The following FRYL variants were observed in gnomAD, a reference collection of about 807,000 sequenced individuals.
FRYL encodes protein furry homolog-like.
FRYL carries 150 observed loss-of-function variants against 351.2 expected under a neutral mutation model. That is an observed-to-expected ratio of 0.43 (90% CI 0.37 to 0.49). FRYL has a LOEUF of 0.49. FRYL is among the 20% of genes least tolerant of loss of function. The probability of loss-of-function intolerance (pLI) is 0.00; values close to 1 mark genes in which losing one functional copy is unlikely to be tolerated. For missense variants in FRYL, 3,036 were observed against 3,619.3 expected, an observed-to-expected ratio of 0.84 and a Z score of 4.13; for synonymous variants, 1,153 against 1,257.1, an observed-to-expected ratio of 0.92 and a Z score of 1.75.
At chr4:48,523,134 C>A in intron 53 of FRYL, 30 bp from the exon 54 acceptor site, 2 of 1,473,298 alleles carry the variant, frequency 1.4e-6, no homozygotes, top group South Asian at 1.1e-5. Flanking sequence ...TTTCTAAAAC[C>A]TCAAATACAT....
At position 48,649,313 on chromosome 4, in the gene FRYL, T is replaced by C. The variant is rs144384734; in HGVS notation, c.-80-14823A>G. Among the ~76,000 whole-genome samples the C allele has an allele frequency of 2.7e-3, 416 of 152,356 alleles. 3 individuals are homozygous for C. Among genetic ancestry groups the C allele is most frequent in the African/African-American group, 9.1e-3 (377 of 41,592 alleles). On this transcript the variant is annotated intron_variant, in intron 3 of 63. Coordinates refer to ENST00000358350, the MANE Select transcript of FRYL (RefSeq NM_015030.2). ...ATTGTGCAAAAATGCAAGTAATCTA[T>C]GCAAATACAGTTTCTTAACATACCA...
chr4:48,654,303 AAAAAAAAAAAAC>A (rs1368138543), intron 3 of FRYL, among the ~76,000 whole-genome samples: 5 of 138,806 alleles, frequency 3.6e-5, no homozygotes, highest in Admixed American at 7.1e-5. Context: ...CTGATCAAAA[AAAAAAAAAAAAC>A]AAAAACAAAA....
chr4:48,611,224 ATTAC>A (rs1198697273), intron 7 of FRYL, among the ~76,000 whole-genome samples: 4 of 152,172 alleles, frequency 2.6e-5, no homozygotes, highest in South Asian at 2.1e-4. Flanking sequence ...CTCTATCTAG[ATTAC>A]TTATAGTATG....
chr4:48,609,438 T>C (rs1486155814), intron 8 of FRYL, among the ~76,000 whole-genome samples: 2 of 151,958 alleles, frequency 1.3e-5, no homozygotes, highest in Non-Finnish European at 2.9e-5. Flanking sequence ...CTGGGAAACA[T>C]GGCAAAACTC....
chr4:48,688,486 A>T (rs1205911605), intron 2 of FRYL, among the ~76,000 whole-genome samples: 2 of 152,152 alleles, frequency 1.3e-5, no homozygotes, highest in African/African-American at 2.4e-5. Flanking sequence ...AAATCATTTT[A>T]AAAAAATATT....
At chr4:48,501,167 T>G (rs1329738998) in intron 62 of FRYL, among the ~76,000 whole-genome samples, 1 of 152,008 alleles carries the variant, frequency 6.6e-6, no homozygotes, top group Non-Finnish European at 1.5e-5. Context: ...GTTTTATGTC[T>G]TTATTGAACT....
At chr4:48,654,422 G>A (rs1326658211) in intron 3 of FRYL, among the ~76,000 whole-genome samples, 2 of 151,996 alleles carry the variant, frequency 1.3e-5, no homozygotes, top group African/African-American at 4.8e-5. Flanking sequence ...CACCCAGGCA[G>A]TAAGCAGTGA....
intron 13 of FRYL, among the ~76,000 whole-genome samples, chr4:48,601,579 T>C (rs1202581598): frequency 2.6e-5 from 4 of 152,164 alleles, no homozygotes; most frequent in Non-Finnish European, 5.9e-5. Context: ...TACCAACTTT[T>C]AGATATGGCC....
At chr4:48,662,953 C>T (rs1339381888) in intron 3 of FRYL, among the ~76,000 whole-genome samples, 1 of 151,978 alleles carries the variant, frequency 6.6e-6, no homozygotes, top group Non-Finnish European at 1.5e-5. Context: ...ACCAACAAAT[C>T]TGCACTACAA....
intron 47 of FRYL, among the ~76,000 whole-genome samples, chr4:48,536,584 G>A (rs535050924): frequency 4.2e-4 from 64 of 152,270 alleles, no homozygotes; most frequent in Non-Finnish European, 7.8e-4. Context: ...TGGGTTATTG[G>A]TGAGGATGTT....
intron 3 of FRYL, among the ~76,000 whole-genome samples, chr4:48,671,873 C>G (rs60426990): frequency 1.7e-4 from 9 of 51,834 alleles, no homozygotes; most frequent in Admixed American, 3.3e-4. Context: ...AAAAAAAAAA[C>G]AAAAAAAAAA....
intron 32 of FRYL, 47 bp from the exon 33 acceptor site, chr4:48,561,683 C>A: frequency 7.0e-7 from 1 of 1,424,634 alleles, no homozygotes; most frequent in Non-Finnish European, 9.6e-7. Context: ...TTTATGGGTT[C>A]TCTAAAGTTT....
At chr4:48,683,357 G>A (rs1234218359) in intron 3 of FRYL, among the ~76,000 whole-genome samples, 1 of 150,770 alleles carries the variant, frequency 6.6e-6, no homozygotes, top group Non-Finnish European at 1.5e-5. Context: ...ATTATGGCAC[G>A]TGTATACCTA....
intron 42 of FRYL, among the ~76,000 whole-genome samples, chr4:48,545,112 T>A (rs925662536): frequency 6.6e-6 from 1 of 152,200 alleles, no homozygotes; most frequent in African/African-American, 2.4e-5. Flanking sequence ...AACAGACCAG[T>A]CAAATTCTCT....
At chr4:48,634,060 T>C (rs1482248926) in intron 4 of FRYL, among the ~76,000 whole-genome samples, 1 of 152,234 alleles carries the variant, frequency 6.6e-6, no homozygotes, top group Non-Finnish European at 1.5e-5. Context: ...TTTTCCTTTA[T>C]TTCCTATGTT....
At position 48,540,883 on chromosome 4, in the gene FRYL, G is replaced by T. The variant is rs1022225304; in HGVS notation, c.5765C>A (p.Thr1922Lys). 2.5e-6 allele frequency: 4 copies of T among 1,613,690 alleles called. No individual in the cohort carries two copies. The Admixed American group carries it at 6.7e-5, about 27-fold the overall frequency. Reference protein sequence around the residue: ...RKSTGQLNLSTSPINSSSYLG... With the variant: ...RKSTGQLNLSKSPINSSSYLG... ...ATAACTGCTACTATTAATGGGACTT[G>T]TGCTTAGATTGAGTTGTCCAGTGCT... The change falls in exon 46 of 64, where the codon ACA becomes AAA. Residue 1922 changes from threonine to lysine, a missense_variant. Physicochemically the swap from Thr to Lys is moderately conservative, Grantham distance 78. Coordinates refer to ENST00000358350, the MANE Select transcript of FRYL (RefSeq NM_015030.2).
At chr4:48,525,307 A>C (rs1162223077) in intron 53 of FRYL, among the ~76,000 whole-genome samples, 1 of 152,030 alleles carries the variant, frequency 6.6e-6, no homozygotes, top group Non-Finnish European at 1.5e-5. Flanking sequence ...TTGAGTTCCT[A>C]TGAACCTGTA....
chr4:48,656,993 T>C (rs970715608), intron 3 of FRYL, among the ~76,000 whole-genome samples: 2 of 152,134 alleles, frequency 1.3e-5, no homozygotes, highest in Admixed American at 1.3e-4. Flanking sequence ...ATCACAAACA[T>C]CTTAGCAAAG....
intron 23 of FRYL, among the ~76,000 whole-genome samples, chr4:48,578,045 T>C (rs1740017646): frequency 6.6e-6 from 1 of 151,634 alleles, no homozygotes; most frequent in African/African-American, 2.4e-5. Flanking sequence ...TTAAGAGATT[T>C]TAAAAAATAA....
Sources: gnomAD v4.1 joint callset for allele counts (sites outside exome capture counted in the v4.1 genomes callset) on GRCh38, gnomAD v4.1.1 for gene constraint, MANE v1.5 for transcripts, NCBI Gene and HGNC (gene_info 2026-07-23, HGNC 2026-07-21) for gene names.